Variants in OSBP2 observed in about 807,000 individuals in gnomAD.
OSBP2 encodes oxysterol-binding protein 2.
In OSBP2, 66 loss-of-function variants were observed where a neutral mutation model predicts 96.0. The ratio of observed to expected loss-of-function variants is 0.69; its 90% CI spans 0.56 to 0.84. The LOEUF (loss-of-function observed/expected upper bound fraction) is 0.84, where lower values mean the gene tolerates loss of function less well. OSBP2 is among the 40% of genes least tolerant of loss of function. OSBP2 has a pLI of 0.00. For missense variants in OSBP2, 1,038 were observed against 1,222.7 expected, an observed-to-expected ratio of 0.85 and a Z score of 2.25; for synonymous variants, 525 against 520.9, an observed-to-expected ratio of 1.01 and a Z score of -0.11.
At chr22:30,847,098 C>G (rs1471338256) in intron 2 of OSBP2, among the ~76,000 whole-genome samples, 1 of 152,080 alleles carries the variant, frequency 6.6e-6, no homozygotes, top group Non-Finnish European at 1.5e-5. Flanking sequence ...CTGCCTCAGC[C>G]TCCTAAGTAG....
chr22:30,703,287 C>G (rs13053933), intron 1 of OSBP2, among the ~76,000 whole-genome samples: 18,770 of 150,564 alleles, frequency 0.12, 1,402 homozygotes, highest in Non-Finnish European at 0.17. Flanking sequence ...GATTTTCCTG[C>G]CTCAGCCTCT....
At chr22:30,787,257 G>A (rs527918698) in intron 2 of OSBP2, among the ~76,000 whole-genome samples, 20 of 152,294 alleles carry the variant, frequency 1.3e-4, no homozygotes, top group Admixed American at 2.0e-4. Flanking sequence ...CAGTCATGGC[G>A]GAAGGGGAAG....
intron 2 of OSBP2, among the ~76,000 whole-genome samples, chr22:30,844,130 C>T (rs945401569): frequency 6.6e-6 from 1 of 152,162 alleles, no homozygotes; most frequent in Non-Finnish European, 1.5e-5. Flanking sequence ...TCGCTTTGGC[C>T]TCCCAAAGTG....
intron 3 of OSBP2, among the ~76,000 whole-genome samples, chr22:30,876,048 CG>C (rs2147122617): frequency 6.6e-6 from 1 of 152,336 alleles, no homozygotes; most frequent in East Asian, 1.9e-4. Context: ...TCCCAGTTGG[CG>C]GAGAGGCAGA....
intron 1 of OSBP2, among the ~76,000 whole-genome samples, chr22:30,696,255 T>C (rs1335932676): frequency 6.6e-6 from 1 of 152,214 alleles, no homozygotes; most frequent in Non-Finnish European, 1.5e-5. Context: ...GAAAGGAGGT[T>C]ACTGAAGCCT....
chr22:30,846,917 CTTTGG>C (rs1236780151), intron 2 of OSBP2, among the ~76,000 whole-genome samples: 1 of 151,746 alleles, frequency 6.6e-6, no homozygotes, highest in African/African-American at 2.4e-5. Flanking sequence ...TTTTTGTGAT[CTTTGG>C]TTTAGGTCCT....
At chr22:30,869,377 A>G (rs2039412915) in intron 2 of OSBP2, among the ~76,000 whole-genome samples, 1 of 152,224 alleles carries the variant, frequency 6.6e-6, no homozygotes, top group African/African-American at 2.4e-5. Flanking sequence ...CTGCAAGGCC[A>G]TTGAGGGGCC....
intron 2 of OSBP2, among the ~76,000 whole-genome samples, chr22:30,852,907 AT>A (rs1402630753): frequency 6.6e-6 from 1 of 152,024 alleles, no homozygotes; most frequent in East Asian, 1.9e-4. Flanking sequence ...GTCTGGCTTA[AT>A]TTCCATATAT....
At chr22:30,713,188 C>T (rs1308832276) in intron 1 of OSBP2, among the ~76,000 whole-genome samples, 1 of 151,640 alleles carries the variant, frequency 6.6e-6, no homozygotes, top group Non-Finnish European at 1.5e-5. Flanking sequence ...ACGCCATTCT[C>T]CTACCTCAGC....
intron 1 of OSBP2, among the ~76,000 whole-genome samples, chr22:30,703,002 G>C (rs2089187854): frequency 6.6e-6 from 1 of 152,100 alleles, no homozygotes; most frequent in Non-Finnish European, 1.5e-5. Context: ...TTCTTAATTT[G>C]TCTTCCATTT....
At chr22:30,764,239 C>T in intron 2 of OSBP2, 1 of 985,370 alleles carries the variant, frequency 1.0e-6, no homozygotes, top group Non-Finnish European at 1.2e-6. Flanking sequence ...CCAGGCAGCC[C>T]AGGCTCTGCC....
At chr22:30,743,546 A>T (rs2089966101) in intron 2 of OSBP2, among the ~76,000 whole-genome samples, 1 of 152,158 alleles carries the variant, frequency 6.6e-6, no homozygotes, top group Non-Finnish European at 1.5e-5. Context: ...CTGTGGTCTC[A>T]GTTTGTATGC....
At chr22:30,822,838 G>A (rs1171214525) in intron 2 of OSBP2, 5 of 771,856 alleles carry the variant, frequency 6.5e-6, no homozygotes, top group South Asian at 5.5e-5. Context: ...CGTGGGGAGC[G>A]CGGGGAGCCT....
At chr22:30,713,827 C>T (rs141120418) in intron 1 of OSBP2, among the ~76,000 whole-genome samples, 1 of 152,230 alleles carries the variant, frequency 6.6e-6, no homozygotes, top group East Asian at 1.9e-4. Context: ...GATATTTTGG[C>T]TCATGTATAC....
chr22:30,762,961 G>A (rs2090224489), intron 2 of OSBP2, among the ~76,000 whole-genome samples: 1 of 152,154 alleles, frequency 6.6e-6, no homozygotes, highest in Non-Finnish European at 1.5e-5. Flanking sequence ...AGATTTCTAA[G>A]TCAGTGGAAG....
At chr22:30,797,962 G>T (rs114495132) in intron 2 of OSBP2, among the ~76,000 whole-genome samples, 2,453 of 152,282 alleles carry the variant, frequency 0.016, 60 homozygotes, top group African/African-American at 0.054. Context: ...AAGTGGAATT[G>T]CTGGGTCATA....
chr22:30,792,482 G>A (rs944719263), intron 2 of OSBP2, among the ~76,000 whole-genome samples: 10 of 151,808 alleles, frequency 6.6e-5, no homozygotes, highest in Non-Finnish European at 1.3e-4. Context: ...CAGGCCCACG[G>A]GTAAAAAGTT....
At chr22:30,885,986 A>ATC (rs2039801298) in intron 3 of OSBP2, among the ~76,000 whole-genome samples, 1 of 152,230 alleles carries the variant, frequency 6.6e-6, no homozygotes, top group Non-Finnish European at 1.5e-5. Flanking sequence ...TGACCATCCC[A>ATC]GCAGAGGGGG....
intron 1 of OSBP2, among the ~76,000 whole-genome samples, chr22:30,715,553 ATT>A (rs36019275): frequency 1.0e-3 from 149 of 142,892 alleles, no homozygotes; most frequent in Non-Finnish European, 1.2e-3. Flanking sequence ...TAATTTTTAG[ATT>A]TTTTTTTTTT....
Sources: gnomAD v4.1 joint callset for allele counts (sites outside exome capture counted in the v4.1 genomes callset) on GRCh38, gnomAD v4.1.1 for gene constraint, MANE v1.5 for transcripts, NCBI Gene and HGNC (gene_info 2026-07-23, HGNC 2026-07-21) for gene names.